PLCB3: variants seen among roughly 807,000 people sequenced by gnomAD.
The protein encoded by PLCB3 is 1-phosphatidylinositol 4,5-bisphosphate phosphodiesterase beta-3.
In PLCB3, 54 loss-of-function variants were observed where a neutral mutation model predicts 152.1. That is an observed-to-expected ratio of 0.36 (90% CI 0.29 to 0.45). The LOEUF is 0.45. PLCB3 is among the 20% of genes least tolerant of loss of function. The pLI, the probability that PLCB3 is intolerant of heterozygous loss-of-function variation, is 1.00. For missense variants in PLCB3, 1,248 were observed against 1,687.5 expected (o/e 0.74, Z 4.56); for synonymous variants, 717 against 698.7 (o/e 1.03, Z -0.41).
At chr11:64,259,478 C>T (rs1442195129) in intron 13 of PLCB3, among the ~76,000 whole-genome samples, 2 of 152,180 alleles carry the variant, frequency 1.3e-5, no homozygotes, top group Non-Finnish European at 2.9e-5. Flanking sequence ...CCAACCTCAG[C>T]CTCTCACCTC....
In PLCB3 at chr11:64,265,124, G is replaced by A. The variant is rs375128280; in HGVS notation, c.2806+20G>A. The A allele has an allele frequency of 1.0e-5, 16 of 1,551,956 alleles. No individual in the cohort carries two copies. Among genetic ancestry groups the A allele is most frequent in the Non-Finnish European group, 1.4e-5 (16 of 1,145,494 alleles). On this transcript the variant is annotated intron_variant, in intron 23 of 30. Coordinates refer to ENST00000279230, the MANE Select transcript of PLCB3 (RefSeq NM_000932.5). ...GCCCAGGTAAGGAGTGGCCTGGGTCGGGGGTGGGCTGCAGGGAGGCACCCC... is the reference window on the plus strand; with the variant it reads ...GCCCAGGTAAGGAGTGGCCTGGGTCAGGGGTGGGCTGCAGGGAGGCACCCC...
Position 64,258,809 on chromosome 11 carries a change from G to A in PLCB3, c.1254-76G>A. 1.9e-6 allele frequency: 3 copies of A among 1,602,770 alleles called. No homozygotes were observed. The highest frequency in any genetic ancestry group is 4.5e-5 in the East Asian group (2 of 44,688). On this transcript the variant is annotated intron_variant, in intron 11 of 30. Coordinates refer to ENST00000279230, the MANE Select transcript of PLCB3 (RefSeq NM_000932.5). This position sits in a 1 kb window ranked among gnomAD's most constrained non-coding sequence, Gnocchi z 7.2. ...CTCAGGGACCTCCAACCCTGCGAAC[G>A]GCCACTGACATGTCCCGTAGACCTC...
At chr11:64,260,916 G>A (rs1173871102) in intron 14 of PLCB3, among the ~76,000 whole-genome samples, 1 of 152,066 alleles carries the variant, frequency 6.6e-6, no homozygotes, top group Non-Finnish European at 1.5e-5. Context: ...AGTTATAGAA[G>A]AGAATGTCCA....
Position 64,256,678 on chromosome 11 carries a change from C to T in PLCB3, c.926C>T (p.Pro309Leu). Reference sequence around the variant, plus strand: ...GGAGGCGAGGAGAATGGCATCCTGCCCCTGGAAGCCCTGGATCTGAGCACG... The same window carrying T: ...GGAGGCGAGGAGAATGGCATCCTGCTCCTGGAAGCCCTGGATCTGAGCACG... ...YLGGEENGIL[P>L]LEALDLSTDM... The change falls in exon 10 of 31, where the codon CCC (proline) becomes CTC (leucine). Residue 309 changes from proline (P) to leucine (L), a missense_variant. Physicochemically the swap from Pro to Leu is moderately conservative, Grantham distance 98. Transcript: ENST00000279230. 6.2e-7 allele frequency: 1 copy of T among 1,614,198 alleles called. No homozygotes were observed. Among genetic ancestry groups the T allele is most frequent in the Non-Finnish European group, 8.5e-7 (1 of 1,180,026 alleles).
chr11:64,264,407 T>C (rs919107441), intron 22 of PLCB3, among the ~76,000 whole-genome samples: 2 of 151,866 alleles, frequency 1.3e-5, no homozygotes, highest in Non-Finnish European at 2.9e-5. Flanking sequence ...GTCCTGGGAG[T>C]CATGAGGAGG....
At position 64,266,640 on chromosome 11, in the gene PLCB3, G is replaced by A; in HGVS notation, c.3414+88G>A. The A allele has an allele frequency of 7.6e-7, 1 of 1,317,426 alleles. No individual in the cohort carries two copies. Among genetic ancestry groups the A allele is most frequent in the Non-Finnish European group, 1.1e-6 (1 of 914,572 alleles). 81.6% of individuals were successfully genotyped at this position (1,317,426 alleles called of 1,614,324 possible). ...TCCATGCCTGGCCTGGTGCCACGTT[G>A]CCCTCAAGGTTCTTCTAGGGCCTTT... is the stretch of plus-strand genomic sequence containing the variant. On this transcript the variant is annotated intron_variant, in intron 29 of 30. Coordinates refer to ENST00000279230, the MANE Select transcript of PLCB3 (RefSeq NM_000932.5). The surrounding 1 kb of genome is among the most constrained non-coding windows in gnomAD (Gnocchi z 4.9).
At chr11:64,262,305 C>T in intron 17 of PLCB3, 102 bp from the exon 18 acceptor site, 1 of 1,452,610 alleles carries the variant, frequency 6.9e-7, no homozygotes, top group Non-Finnish European at 9.5e-7. Flanking sequence ...CCGCCCCTGA[C>T]CCTGGACCTT....
Position 64,262,447 on chromosome 11 carries a change from C to G in PLCB3, c.2079C>G (p.Asn693Lys). 6.2e-7 allele frequency: 1 copy of G among 1,613,820 alleles called. No homozygotes were observed. The highest frequency in any genetic ancestry group is 8.5e-7 in the Non-Finnish European group (1 of 1,179,952). ...TCAACGCGGGCGTTTTTGAGTACAA[C>G]GGGCGCAGCGGGTACCTGCTCAAGC... is the stretch of plus-strand genomic sequence containing the variant. ...MQLNAGVFEY[N>K]GRSGYLLKPE... is the part of the protein sequence containing the mutation. The change falls in exon 18 of 31, where the codon AAC becomes AAG. Residue 693 changes from asparagine to lysine, a missense_variant. Around this residue, in one of 6 missense-constraint regions of PLCB3, gnomAD observed 244 missense variants for 424.4 expected, o/e 0.57. Coordinates refer to ENST00000279230, the MANE Select transcript of PLCB3 (RefSeq NM_000932.5).
At chr11:64,259,773 C>A (rs1243544298) in intron 13 of PLCB3, among the ~76,000 whole-genome samples, 2 of 152,110 alleles carry the variant, frequency 1.3e-5, no homozygotes, top group Non-Finnish European at 2.9e-5. Context: ...CTTCTCACCC[C>A]ACTGAACCAC....
rs2032162441 is a variant in PLCB3, at chr11:64,267,121, A to G, written c.3415-64A>G. ...GCCCACCTGACTTCTATACCCAGCC[A>G]GAGCCTCGAGGCTCTAGCCCCTCCC... On this transcript the variant is annotated intron_variant, in intron 29 of 30. Coordinates refer to ENST00000279230, the MANE Select transcript of PLCB3 (RefSeq NM_000932.5). The surrounding 1 kb of genome is among the most constrained non-coding windows in gnomAD (Gnocchi z 5.2). 6.9e-7 allele frequency: 1 copy of G among 1,448,970 alleles called. No homozygotes were observed. Among genetic ancestry groups the G allele is most frequent in the Admixed American group, 2.0e-5 (1 of 50,768 alleles). 89.8% of individuals were successfully genotyped at this position (1,448,970 alleles called of 1,614,324 possible).
In PLCB3 at chr11:64,266,575, C is replaced by T. The variant is rs754970076; in HGVS notation, c.3414+23C>T. ...CGGGTGAGTCAGGCTCCCGGGCCAC[C>T]CTACCCCACCTCCCTTCCTTCACTC... On this transcript the variant is annotated intron_variant, in intron 29 of 30. Transcript: ENST00000279230. This position sits in a 1 kb window ranked among gnomAD's most constrained non-coding sequence, Gnocchi z 4.9. The T allele has an allele frequency of 1.2e-6, 2 of 1,610,368 alleles. No individual in the cohort carries two copies. Among genetic ancestry groups the T allele is most frequent in the Non-Finnish European group, 1.7e-6 (2 of 1,176,906 alleles).
intron 24 of PLCB3, 29 bp from the exon 25 acceptor site, chr11:64,265,281 C>G: frequency 1.3e-6 from 2 of 1,537,996 alleles, no homozygotes; most frequent in Middle Eastern, 3.4e-4. Flanking sequence ...TCCCCCACCC[C>G]CCGCCCACCT....
intron 12 of PLCB3, 39 bp from the exon 13 acceptor site, chr11:64,259,019 G>C (rs756919759): frequency 6.2e-7 from 1 of 1,612,684 alleles, no homozygotes; most frequent in South Asian, 1.1e-5. Flanking sequence ...GGGTGCTGCG[G>C]ACCCGGTCCA....
At chr11:64,269,111 G>C (rs942480536), downstream of PLCB3, 6 of 152,344 alleles carry the variant, frequency 3.9e-5, no homozygotes, top group African/African-American at 1.4e-4. Context: ...AATACCAGCT[G>C]AATGTCTAAC....
chr11:64,260,262 G>T, intron 14 of PLCB3, 28 bp downstream of exon 14: 5 of 1,513,764 alleles, frequency 3.3e-6, no homozygotes, highest in Admixed American at 2.1e-5. Flanking sequence ...GGCAGGTCGG[G>T]GAGGTAGCAT....
In PLCB3 at chr11:64,254,932, G is replaced by A. The variant is rs143389743; in HGVS notation, c.281G>A (p.Gly94Asp). 8 of 1,604,132 alleles carry A rather than the reference G, an allele frequency of 5.0e-6. No individual in the cohort carries two copies. In the African/African-American group the frequency reaches 1.1e-4, roughly 21 times the overall value. ...ATCCGGGAAGTTCTGGGCTTTGGGG[G>A]TCCCGATGCCCGGCTGGAGGAGAAG... is the stretch of plus-strand genomic sequence containing the variant. ...PKIREVLGFGGPDARLEEKLM... is the reference protein window; with the variant it reads ...PKIREVLGFGDPDARLEEKLM... The change falls in exon 4 of 31, where the codon GGT becomes GAT. Residue 94 changes from glycine (G) to aspartate (D), a missense_variant. By Grantham distance (94) the Gly-to-Asp change is moderately conservative. This residue lies in a region of PLCB3 where 299 missense variants were observed against 434.7 expected (regional missense o/e 0.69). Coordinates refer to ENST00000279230, the MANE Select transcript of PLCB3 (RefSeq NM_000932.5).
rs371998747 is a variant in PLCB3 at position 64,254,797 on chromosome 11, G to A, written c.227G>A (p.Arg76Gln). 16 of 1,613,566 alleles carry A rather than the reference G, an allele frequency of 9.9e-6. No homozygotes were observed. The Admixed American group carries it at 1.3e-4, about 13-fold the overall frequency. Reference protein sequence around the residue: ...ISSIRDTRTGRYARLPKDPKI... With the variant: ...ISSIRDTRTGQYARLPKDPKI... ...TCCATCAGGGACACACGGACAGGCCGGTACGCCCGCCTGCCCAAGGTGAGT... is the reference window on the plus strand; with the variant it reads ...TCCATCAGGGACACACGGACAGGCCAGTACGCCCGCCTGCCCAAGGTGAGT... Residue 76 changes from arginine to glutamine, a missense_variant, in exon 3 of 31, where the codon CGG (arginine) becomes CAG (glutamine). Physicochemically the swap from Arg to Gln is conservative, Grantham distance 43. This residue lies in a region of PLCB3 where 299 missense variants were observed against 434.7 expected (regional missense o/e 0.69). Transcript: ENST00000279230.
In PLCB3 at chr11:64,266,622, C is replaced by T; in HGVS notation, c.3414+70C>T. The T allele has an allele frequency of 6.8e-7, 1 of 1,474,102 alleles. No homozygotes were observed. The highest frequency in any genetic ancestry group is 1.1e-5 in the South Asian group (1 of 88,166). 91.3% of individuals were successfully genotyped at this position (1,474,102 alleles called of 1,614,324 possible). A position where few individuals can be genotyped will look rare whatever the true frequency, so the allele number is the denominator to read the frequency against. On this transcript the variant is annotated intron_variant, in intron 29 of 30. Transcript: ENST00000279230. This position sits in a 1 kb window ranked among gnomAD's most constrained non-coding sequence, Gnocchi z 4.9. ...ACTCATCAGACACCCATCTCCATGC[C>T]TGGCCTGGTGCCACGTTGCCCTCAA... is the stretch of plus-strand genomic sequence containing the variant.
Position 64,266,916 on chromosome 11 carries a change from C to T in PLCB3, c.3415-269C>T, listed in dbSNP as rs1370952358. 6.6e-6 allele frequency among the ~76,000 whole-genome samples: 1 copy of T among 152,210 alleles called. No individual in the cohort carries two copies. Among genetic ancestry groups the T allele is most frequent in the Non-Finnish European group, 1.5e-5 (1 of 68,032 alleles). On this transcript the variant is annotated intron_variant, in intron 29 of 30. Transcript: ENST00000279230. The surrounding 1 kb of genome is among the most constrained non-coding windows in gnomAD (Gnocchi z 4.9). ...TCAAGCAATTCTCTTGCCTCAGCCT[C>T]CCGAGTAGCTGGGATTACAGGCATC...
Sources: gnomAD v4.1 joint callset for allele counts (sites outside exome capture counted in the v4.1 genomes callset) on GRCh38, gnomAD v4.1.1 for gene constraint, gnomAD v4.1.1 regional missense constraint, Gnocchi (gnomAD v3.1) non-coding constraint, MANE v1.5 for transcripts, NCBI Gene and HGNC (gene_info 2026-07-23, HGNC 2026-07-21) for gene names.